Variants in SHANK2 observed in about 807,000 individuals in gnomAD.
The protein encoded by SHANK2 is SH3 and multiple ankyrin repeat domains protein 2.
SHANK2 carries 43 observed loss-of-function variants against 133.7 expected under a neutral mutation model. The observed-to-expected ratio is 0.32, with a 90% CI of 0.25 to 0.41. The LOEUF (loss-of-function observed/expected upper bound fraction) is 0.41. Among genes scored for constraint, SHANK2 ranks in the 10% least tolerant of loss-of-function variants. The pLI, the probability that SHANK2 is intolerant of heterozygous loss-of-function variation, is 1.00. For missense variants in SHANK2, 1,994 were observed against 2,235.8 expected, an observed-to-expected ratio of 0.89 and a Z score of 2.18; for synonymous variants, 1,017 against 952.8, an observed-to-expected ratio of 1.07 and a Z score of -1.24.
At chr11:70,899,096 C>A (rs146655815) in intron 10 of SHANK2, among the ~76,000 whole-genome samples, 98 of 152,294 alleles carry the variant, frequency 6.4e-4, no homozygotes, top group Non-Finnish European at 1.1e-3. Flanking sequence ...CAAAGACTTA[C>A]GGGCAGGACC....
intron 17 of SHANK2, among the ~76,000 whole-genome samples, chr11:70,565,534 C>A (rs12361796): frequency 0.21 from 31,660 of 152,166 alleles, 4,053 homozygotes; most frequent in Non-Finnish European, 0.26. Flanking sequence ...GCGTGAGCCA[C>A]CACGCCTGGC....
At chr11:70,751,622 A>G (rs551892423) in intron 14 of SHANK2, among the ~76,000 whole-genome samples, 2 of 152,374 alleles carry the variant, frequency 1.3e-5, no homozygotes, top group African/African-American at 4.8e-5. Context: ...ACTATACTTC[A>G]CTTCTTACAT....
At chr11:71,086,167 TATA>T in intron 8 of SHANK2, among the ~76,000 whole-genome samples, 1 of 10,942 alleles carries the variant, frequency 9.1e-5, no homozygotes, top group African/African-American at 2.0e-4. Flanking sequence ...TATTAAATTA[TATA>T]ATATATTATG....
At chr11:70,943,539 G>A (rs1590858727) in intron 10 of SHANK2, among the ~76,000 whole-genome samples, 2 of 152,196 alleles carry the variant, frequency 1.3e-5, no homozygotes, top group East Asian at 3.9e-4. Context: ...GCAAACTCAT[G>A]GGGTGAGCAG....
rs184694021 is a variant in SHANK2 at position 71,226,633 on chromosome 11, T to C, written c.-112-1837A>G. ...TAATTTTCAAGTGATGAAAGAAAAG[T>C]ATTCTCAATCCATAATTTTATACCA... On this transcript the variant is annotated intron_variant, in intron 1 of 25. Coordinates refer to ENST00000601538, the MANE Select transcript of SHANK2 (RefSeq NM_012309.5). 5.3e-5 allele frequency: 8 copies of C among 152,298 alleles called. No individual in the cohort carries two copies. The East Asian group carries it at 1.5e-3, about 29-fold the overall frequency. The allele number at this position is 152,298 out of a possible 1,614,324, so 9.4% of individuals were successfully genotyped here.
chr11:70,651,717 G>T lies in SHANK2; in HGVS notation c.2061+8111C>A, dbSNP rs149490186. ...GAGGGATGCAGGACAGACCCTGTTT[G>T]TCTTTGGTGTGAATGCAATGAAATA... On this transcript the variant is annotated intron_variant, in intron 17 of 25. Coordinates refer to ENST00000601538, the MANE Select transcript of SHANK2 (RefSeq NM_012309.5). Among the ~76,000 whole-genome samples, 385 of 152,362 alleles carry T rather than the reference G, an allele frequency of 2.5e-3. 2 individuals carry two copies. Among genetic ancestry groups the T allele is most frequent in the African/African-American group, 9.0e-3 (374 of 41,584 alleles).
rs78805879 is a variant in SHANK2, at chr11:70,727,824, C to T, written c.1778-29061G>A. Among the ~76,000 whole-genome samples the T allele has an allele frequency of 2.8e-3, 422 of 152,286 alleles. 14 individuals carry two copies. In the East Asian group the frequency reaches 0.071, roughly 26 times the overall value. On this transcript the variant is annotated intron_variant, in intron 14 of 25. Coordinates refer to ENST00000601538, the MANE Select transcript of SHANK2 (RefSeq NM_012309.5). ...CAACACAGCCTCTGTTCCCCCAAGA[C>T]GCTGGATGGGGGCCATGGGCTGTCC...
In SHANK2 at chr11:70,820,412, C is replaced by T. The variant is rs984123305; in HGVS notation, c.1445G>A (p.Gly482Asp). The change falls in exon 12 of 26, where the codon GGC (glycine) becomes GAC (aspartate). Residue 482 changes from glycine to aspartate, a missense_variant. By Grantham distance (94) the Gly-to-Asp change is moderately conservative. Coordinates refer to ENST00000601538, the MANE Select transcript of SHANK2 (RefSeq NM_012309.5). ...CCTCTTGCCGTCCTCGCCTGCGCCG[C>T]CCAGCCTGTTGAGCGATGGGGACCG... ...RSRSPSLNRL[G>D]GAGEDGKRPQ... is the part of the protein sequence containing the mutation. 2 of 697,518 alleles carry T rather than the reference C, an allele frequency of 2.9e-6. No individual in the cohort carries two copies. The highest frequency in any genetic ancestry group is 2.7e-6 in the Non-Finnish European group (1 of 371,178). The allele number at this position is 697,518 out of a possible 1,614,324, so 43.2% of individuals were successfully genotyped here.
intron 14 of SHANK2, among the ~76,000 whole-genome samples, chr11:70,755,513 C>T (rs530342123): frequency 6.6e-6 from 1 of 152,346 alleles, no homozygotes; most frequent in Non-Finnish European, 1.5e-5. Flanking sequence ...CCTGTGGGCA[C>T]CCGGGCAGAG....
chr11:71,144,769 A>G (rs1187184242), intron 3 of SHANK2, among the ~76,000 whole-genome samples: 5 of 152,370 alleles, frequency 3.3e-5, no homozygotes, highest in Non-Finnish European at 7.3e-5. Context: ...TGTGACAAAA[A>G]TAAATAAATA....
In SHANK2 at chr11:70,778,688, T is replaced by A. The variant is rs554839143; in HGVS notation, c.1777+19755A>T. ...AGGAACTTCCCCTGCCAGCCCCTGA[T>A]CTGCAGCTTCTAGACTCCAGAATTG... On this transcript the variant is annotated intron_variant, in intron 14 of 25. Transcript: ENST00000601538. Among the ~76,000 whole-genome samples, 45 of 152,348 alleles carry A rather than the reference T, an allele frequency of 3.0e-4. No individual in the cohort carries two copies. In the East Asian group the frequency reaches 8.5e-3, roughly 29 times the overall value.
intron 14 of SHANK2, among the ~76,000 whole-genome samples, chr11:70,785,251 G>A (rs138891856): frequency 2.0e-5 from 3 of 152,026 alleles, no homozygotes; most frequent in Admixed American, 6.5e-5. Flanking sequence ...TCCTACCCTC[G>A]TCCACACACC....
chr11:71,249,014 A>G (rs1200107516), intron 1 of SHANK2, among the ~76,000 whole-genome samples: 1 of 152,148 alleles, frequency 6.6e-6, no homozygotes, highest in African/African-American at 2.4e-5. Context: ...TTCACGCGGA[A>G]AGAAACAAAT....
At chr11:70,694,678 G>T (rs1215820267) in intron 15 of SHANK2, among the ~76,000 whole-genome samples, 1 of 152,188 alleles carries the variant, frequency 6.6e-6, no homozygotes, top group Non-Finnish European at 1.5e-5. Context: ...ATGGCCTCCA[G>T]ATGCTCCTCC....
chr11:71,211,547 T>A (rs891032668), intron 2 of SHANK2, among the ~76,000 whole-genome samples: 1 of 144,152 alleles, frequency 6.9e-6, no homozygotes, highest in Non-Finnish European at 1.5e-5. Context: ...CAAAAAAAAA[T>A]AAATAAATAC....
chr11:70,765,083 T>C (rs1237249420), intron 14 of SHANK2, among the ~76,000 whole-genome samples: 1 of 151,880 alleles, frequency 6.6e-6, no homozygotes, highest in Admixed American at 6.6e-5. Flanking sequence ...GGGCAGGAAG[T>C]GGGGAGGTGC....
At chr11:70,837,590 T>C (rs1948839019) in intron 11 of SHANK2, among the ~76,000 whole-genome samples, 1 of 152,188 alleles carries the variant, frequency 6.6e-6, no homozygotes, top group South Asian at 2.1e-4. Context: ...TTATATGGTC[T>C]TTCTCCCCCA....
chr11:70,907,411 C>G (rs528283408), intron 10 of SHANK2, among the ~76,000 whole-genome samples: 1 of 152,190 alleles, frequency 6.6e-6, no homozygotes, highest in Non-Finnish European at 1.5e-5. Flanking sequence ...CAGGCTTGGA[C>G]GTTGGACAGC....
chr11:70,595,662 T>C (rs1412111584), intron 17 of SHANK2, among the ~76,000 whole-genome samples: 2 of 152,182 alleles, frequency 1.3e-5, no homozygotes, highest in African/African-American at 4.8e-5. Context: ...CCAAAATTCG[T>C]GTCTACCCAC....
Sources: gnomAD v4.1 joint callset for allele counts (sites outside exome capture counted in the v4.1 genomes callset) on GRCh38, gnomAD v4.1.1 for gene constraint, MANE v1.5 for transcripts, NCBI Gene and HGNC (gene_info 2026-07-23, HGNC 2026-07-21) for gene names.